FERRY3: variants seen among roughly 807,000 people sequenced by gnomAD.
FERRY3 encodes the protein protein C12orf4.
the FERRY3 span, among the ~76,000 whole-genome samples, chr12:4,494,439 T>C: frequency 1.2e-4 from 18 of 152,236 alleles, no homozygotes; most frequent in Non-Finnish European, 2.2e-4. Context: ...TCTTTTATGT[T>C]TTCCTCTAGA....
At chr12:4,518,017 G>T in the FERRY3 span, 1 of 1,545,528 alleles carries the variant, frequency 6.5e-7, no homozygotes, top group Non-Finnish European at 8.9e-7. Context: ...GGTGTTACAG[G>T]ATGAAATTTA....
chr12:4,529,954 G>A, the FERRY3 span: 1 of 1,613,478 alleles, frequency 6.2e-7, no homozygotes. Context: ...AAATTTAAGA[G>A]AGTTTCAGAG....
the FERRY3 span, chr12:4,502,249 A>G: frequency 2.8e-6 from 1 of 357,984 alleles, no homozygotes; most frequent in Non-Finnish European, 5.4e-6. This position sits in a 1 kb window ranked among gnomAD's most constrained non-coding sequence, Gnocchi z 4.2. Context: ...CACTGTGTAC[A>G]TGCCATAATT....
chr12:4,523,631 A>T, the FERRY3 span, among the ~76,000 whole-genome samples: 1 of 152,232 alleles, frequency 6.6e-6, no homozygotes, highest in African/African-American at 2.4e-5. Context: ...ACGCAGCCAT[A>T]AAAAAGGATG....
chr12:4,488,785 C>CT, the FERRY3 span: 1 of 152,164 alleles, frequency 6.6e-6, no homozygotes, highest in African/African-American at 2.4e-5. This position sits in a 1 kb window ranked among gnomAD's most constrained non-coding sequence, Gnocchi z 4.9. Context: ...GAAACTATTG[C>CT]TTTTCTAAAC....
the FERRY3 span, chr12:4,529,874 T>G: frequency 6.3e-7 from 1 of 1,575,980 alleles, no homozygotes; most frequent in Middle Eastern, 1.7e-4. Context: ...AATACCTCTC[T>G]CGTAATTTTT....
At chr12:4,501,111 C>T in the FERRY3 span, among the ~76,000 whole-genome samples, 1 of 152,164 alleles carries the variant, frequency 6.6e-6, no homozygotes, top group Admixed American at 6.5e-5. Flanking sequence ...ATGCCTATCA[C>T]CCCATCCACA....
chr12:4,536,102 T>G, the FERRY3 span: 1 of 1,610,738 alleles, frequency 6.2e-7, no homozygotes, highest in South Asian at 1.1e-5. Context: ...GAAATTTGAG[T>G]GGCACTCTCA....
the FERRY3 span, among the ~76,000 whole-genome samples, chr12:4,536,949 G>A: frequency 3.9e-5 from 6 of 152,164 alleles, no homozygotes; most frequent in East Asian, 7.7e-4. Flanking sequence ...TTTTAAAAAA[G>A]GAATATACTT....
the FERRY3 span, among the ~76,000 whole-genome samples, chr12:4,495,546 G>A: frequency 4.1e-3 from 618 of 152,132 alleles, 2 homozygotes; most frequent in African/African-American, 0.014. Context: ...CTTATTGAAG[G>A]GCTAGTTTTG....
chr12:4,535,364 T>G, the FERRY3 span, among the ~76,000 whole-genome samples: 1 of 152,246 alleles, frequency 6.6e-6, no homozygotes, highest in South Asian at 2.1e-4. This position sits in a 1 kb window ranked among gnomAD's most constrained non-coding sequence, Gnocchi z 4.0. Flanking sequence ...TGCTGCTAAA[T>G]GATTAGAAAC....
chr12:4,517,630 T>A, the FERRY3 span, among the ~76,000 whole-genome samples: 19 of 149,434 alleles, frequency 1.3e-4, 1 homozygote, highest in Middle Eastern at 7.1e-3. Context: ...AAGTGAATTG[T>A]ACTAAGAGGG....
the FERRY3 span, among the ~76,000 whole-genome samples, chr12:4,531,672 C>T: frequency 6.6e-6 from 1 of 152,210 alleles, no homozygotes; most frequent in Non-Finnish European, 1.5e-5. Context: ...CCTCCACTTT[C>T]AGGCATAACG....
At chr12:4,498,889 C>T in the FERRY3 span, among the ~76,000 whole-genome samples, 18 of 152,296 alleles carry the variant, frequency 1.2e-4, no homozygotes, top group East Asian at 2.3e-3. Context: ...TCTAATGTGG[C>T]TGCTGATCTG....
chr12:4,490,887 T>C, the FERRY3 span, among the ~76,000 whole-genome samples: 1 of 152,244 alleles, frequency 6.6e-6, no homozygotes, highest in Non-Finnish European at 1.5e-5. Context: ...AATAAATATG[T>C]GGCTCTATTT....
chr12:4,492,765 T>C, the FERRY3 span, among the ~76,000 whole-genome samples: 599 of 152,310 alleles, frequency 3.9e-3, 3 homozygotes, highest in African/African-American at 0.014. Context: ...ATTTTGGCTA[T>C]TTTAAGTACA....
the FERRY3 span, among the ~76,000 whole-genome samples, chr12:4,497,637 C>T: frequency 6.6e-6 from 1 of 152,306 alleles, no homozygotes; most frequent in Non-Finnish European, 1.5e-5. Flanking sequence ...ATTCAGTATT[C>T]TTGGCTTGCA....
the FERRY3 span, among the ~76,000 whole-genome samples, chr12:4,533,697 A>C: frequency 6.6e-5 from 10 of 152,364 alleles, no homozygotes; most frequent in East Asian, 1.9e-4. Flanking sequence ...ATAAGTTTAT[A>C]AAAGTAAACC....
At chr12:4,500,651 A>G in the FERRY3 span, among the ~76,000 whole-genome samples, 332 of 152,228 alleles carry the variant, frequency 2.2e-3, 3 homozygotes, top group African/African-American at 7.4e-3. Context: ...TGTCAAATTA[A>G]TTAATTAATT....
Sources: allele counts gnomAD v4.1 joint callset (sites outside exome capture counted in the v4.1 genomes callset), GRCh38; gene constraint gnomAD v4.1.1; non-coding constraint Gnocchi (gnomAD v3.1); transcripts MANE v1.5; gene names NCBI Gene and HGNC (gene_info 2026-07-23, HGNC 2026-07-21).